Variants in STUM observed in about 807,000 individuals in gnomAD.
The protein encoded by STUM is protein stum homolog.
A neutral mutation model predicts 15.3 loss-of-function variants in STUM; 8 were observed. That is an observed-to-expected ratio of 0.52 (90% CI 0.31 to 0.94). The LOEUF (loss-of-function observed/expected upper bound fraction) is 0.94. Ranked by LOEUF, STUM falls within the 40% of genes least tolerant of loss-of-function variation. The probability of loss-of-function intolerance (pLI) is 0.05; values close to 1 mark genes in which losing one functional copy is unlikely to be tolerated. For missense variants in STUM, 142 were observed against 204.9 expected, an observed-to-expected ratio of 0.69 and a Z score of 1.87; for synonymous variants, 78 against 88.7, an observed-to-expected ratio of 0.88 and a Z score of 0.68.
chr1:226,600,547 C>T lies in STUM; in HGVS notation c.383-119C>T. On this transcript the variant is annotated intron_variant, in intron 2 of 3. Transcript: ENST00000366788. The surrounding 1 kb of genome is among the most constrained non-coding windows in gnomAD (Gnocchi z 5.2). ...CCCCTGTCCCATCTCCCAGGCCTCA[C>T]CATGGATCTGCTTTGTTTCCTGTGC... 2 of 1,263,898 alleles carry T rather than the reference C, an allele frequency of 1.6e-6. No individual in the cohort carries two copies. The highest frequency in any genetic ancestry group is 2.3e-6 in the Non-Finnish European group (2 of 876,614). 78.3% of individuals were successfully genotyped at this position (1,263,898 alleles called of 1,614,324 possible). A position where few individuals can be genotyped will look rare whatever the true frequency, so the allele number is the denominator to read the frequency against.
chr1:226,597,412 C>T (rs1293218792), intron 2 of STUM: 1 of 473,508 alleles, frequency 2.1e-6, no homozygotes, highest in South Asian at 1.5e-5. Context: ...TTTTCCCACG[C>T]CCATCTACAT....
At chr1:226,596,711 G>T in intron 1 of STUM, 91 bp from the exon 2 acceptor site, 2 of 1,179,612 alleles carry the variant, frequency 1.7e-6, no homozygotes, top group Admixed American at 4.1e-5. Context: ...TTCTTGGAGG[G>T]TGGACAGCTG....
At chr1:226,562,793 G>A (rs1241681015) in intron 1 of STUM, among the ~76,000 whole-genome samples, 1 of 152,116 alleles carries the variant, frequency 6.6e-6, no homozygotes, top group Non-Finnish European at 1.5e-5. Flanking sequence ...TCCTGTACTG[G>A]AAGAAAAGAG....
chr1:226,568,224 G>A (rs1667653376), intron 1 of STUM, among the ~76,000 whole-genome samples: 1 of 152,246 alleles, frequency 6.6e-6, no homozygotes, highest in Non-Finnish European at 1.5e-5. Context: ...TGTCAAGTGT[G>A]TTTATTGAAA....
At chr1:226,575,933 G>T (rs1042166709) in intron 1 of STUM, among the ~76,000 whole-genome samples, 1 of 152,224 alleles carries the variant, frequency 6.6e-6, no homozygotes, top group Admixed American at 6.5e-5. Context: ...TCATCTCAGG[G>T]GCTGCCACCC....
intron 1 of STUM, among the ~76,000 whole-genome samples, chr1:226,584,208 G>C (rs1432036382): frequency 6.6e-6 from 1 of 152,190 alleles, no homozygotes; most frequent in Non-Finnish European, 1.5e-5. Context: ...CTGGCCCTCA[G>C]CTGGAACCTC....
At chr1:226,560,779 T>A (rs1182508887) in intron 1 of STUM, among the ~76,000 whole-genome samples, 1 of 152,298 alleles carries the variant, frequency 6.6e-6, no homozygotes, top group East Asian at 1.9e-4. Flanking sequence ...TTTGATTTTC[T>A]CTGTTAGCAG....
chr1:226,598,860 A>G (rs1441998258), intron 2 of STUM, among the ~76,000 whole-genome samples: 1 of 152,188 alleles, frequency 6.6e-6, no homozygotes, highest in Non-Finnish European at 1.5e-5. Context: ...TGGGGGGTGT[A>G]TTAGTTCATT....
chr1:226,558,019 C>T (rs1667475774), intron 1 of STUM, among the ~76,000 whole-genome samples: 1 of 152,202 alleles, frequency 6.6e-6, no homozygotes, highest in South Asian at 2.1e-4. Flanking sequence ...GAGAAGCCCA[C>T]AGCTAACGTT....
intron 1 of STUM, among the ~76,000 whole-genome samples, chr1:226,588,894 C>T (rs1230163852): frequency 1.3e-5 from 2 of 152,154 alleles, no homozygotes; most frequent in Non-Finnish European, 1.5e-5. Context: ...CCTTCCTGAC[C>T]CCCAAAGCTC....
At chr1:226,580,448 A>G (rs1051592014) in intron 1 of STUM, among the ~76,000 whole-genome samples, 1 of 151,878 alleles carries the variant, frequency 6.6e-6, no homozygotes, top group Non-Finnish European at 1.5e-5. Flanking sequence ...TGTGCTGGGG[A>G]GAGGAGAGGT....
intron 3 of STUM, among the ~76,000 whole-genome samples, chr1:226,601,753 T>C (rs1222043981): frequency 6.6e-6 from 1 of 152,206 alleles, no homozygotes; most frequent in Non-Finnish European, 1.5e-5. Context: ...TCGATAGCCT[T>C]TTAGCTCCCA....
intron 1 of STUM, among the ~76,000 whole-genome samples, chr1:226,577,694 G>A (rs1427333041): frequency 6.6e-6 from 1 of 152,190 alleles, no homozygotes; most frequent in East Asian, 1.9e-4. Flanking sequence ...GGGAGGGGGG[G>A]CCAGCAGCAG....
At chr1:226,570,598 G>A (rs995428316) in intron 1 of STUM, among the ~76,000 whole-genome samples, 1 of 152,198 alleles carries the variant, frequency 6.6e-6, no homozygotes, top group South Asian at 2.1e-4. Context: ...GCTTCCTTCT[G>A]GCCAGAGCAG....
intron 1 of STUM, among the ~76,000 whole-genome samples, chr1:226,564,465 G>T (rs1181491980): frequency 6.6e-6 from 1 of 152,174 alleles, no homozygotes; most frequent in African/African-American, 2.4e-5. Context: ...CCAATCATGG[G>T]GGGAAAAGAG....
chr1:226,556,471 G>A (rs1667448048), intron 1 of STUM, among the ~76,000 whole-genome samples: 1 of 152,234 alleles, frequency 6.6e-6, no homozygotes, highest in Admixed American at 6.5e-5. Flanking sequence ...GCAGTGGTTA[G>A]GCAATGCTTT....
chr1:226,592,327 G>A (rs1382803398), intron 1 of STUM, among the ~76,000 whole-genome samples: 1 of 152,202 alleles, frequency 6.6e-6, no homozygotes, highest in African/African-American at 2.4e-5. Context: ...GGGATTACAG[G>A]CGTGAGCCAC....
intron 1 of STUM, among the ~76,000 whole-genome samples, chr1:226,576,045 A>C (rs1667809531): frequency 6.6e-6 from 1 of 152,246 alleles, no homozygotes; most frequent in Non-Finnish European, 1.5e-5. Context: ...TTCTGCTTTG[A>C]AAATCCATCA....
chr1:226,598,448 A>T (rs1177191327), intron 2 of STUM, among the ~76,000 whole-genome samples: 2 of 152,216 alleles, frequency 1.3e-5, no homozygotes, highest in African/African-American at 4.8e-5. Flanking sequence ...ACTGTGTCAC[A>T]GGGTAGGTCT....
Sources: allele counts gnomAD v4.1 joint callset (sites outside exome capture counted in the v4.1 genomes callset), GRCh38; gene constraint gnomAD v4.1.1; non-coding constraint Gnocchi (gnomAD v3.1); transcripts MANE v1.5; gene names NCBI Gene and HGNC (gene_info 2026-07-23, HGNC 2026-07-21).